CDC42BPB: variants seen among roughly 807,000 people sequenced by gnomAD.
The protein encoded by CDC42BPB is serine/threonine-protein kinase MRCK beta.
A neutral mutation model predicts 214.9 loss-of-function variants in CDC42BPB; 37 were observed. The ratio of observed to expected loss-of-function variants is 0.17; its 90% CI spans 0.13 to 0.23. The LOEUF is 0.23. Among genes scored for constraint, CDC42BPB ranks in the 10% least tolerant of loss-of-function variants. The pLI is 1.00. For missense variants in CDC42BPB, 1,694 were observed against 2,227.0 expected (o/e 0.76, Z 4.82); for synonymous variants, 931 against 884.0 (o/e 1.05, Z -0.94).
At chr14:103,017,862 T>C (rs1252107465) in intron 1 of CDC42BPB, among the ~76,000 whole-genome samples, 1 of 152,200 alleles carries the variant, frequency 6.6e-6, no homozygotes, top group Non-Finnish European at 1.5e-5. Context: ...GATACAGCAA[T>C]GTATCAATGC....
intron 1 of CDC42BPB, among the ~76,000 whole-genome samples, chr14:103,032,843 C>T (rs530666477): frequency 3.8e-4 from 57 of 150,042 alleles, no homozygotes; most frequent in African/African-American, 1.3e-3. Flanking sequence ...AGGCTGGTCT[C>T]GAACTCCTGA....
At chr14:102,938,253 A>G in intron 35 of CDC42BPB, 53 bp downstream of exon 35, 1 of 1,596,164 alleles carries the variant, frequency 6.3e-7, no homozygotes, top group East Asian at 2.2e-5. Flanking sequence ...CCATTCCAGC[A>G]CCCCCTACCC....
At chr14:102,951,586 C>T (rs991141489) in intron 24 of CDC42BPB, among the ~76,000 whole-genome samples, 1 of 151,960 alleles carries the variant, frequency 6.6e-6, no homozygotes, top group Non-Finnish European at 1.5e-5. Flanking sequence ...GTCAGGAGTT[C>T]GAGACCAGCC....
intron 28 of CDC42BPB, among the ~76,000 whole-genome samples, 163 bp downstream of exon 28, chr14:102,946,305 G>A (rs575669472): frequency 2.6e-5 from 4 of 152,274 alleles, no homozygotes; most frequent in South Asian, 2.1e-4. Flanking sequence ...TTACAGGCGT[G>A]AGCCACCGCA....
At position 102,933,994 on chromosome 14, in the gene CDC42BPB, G is replaced by A. The variant is rs953617230; in HGVS notation, c.5005-151C>T. 1.4e-5 allele frequency: 19 copies of A among 1,380,326 alleles called. No homozygotes were observed. In the East Asian group the frequency reaches 4.3e-4, roughly 31 times the overall value. The allele number at this position is 1,380,326 out of a possible 1,614,324, so 85.5% of individuals were successfully genotyped here. A position where few individuals can be genotyped will look rare whatever the true frequency, so the allele number is the denominator to read the frequency against. Reference sequence around the variant, plus strand: ...GAAAACACACACGCTCTACACCAGCGATTCGTGGGGCCCTTAGGCGTGCTG... The same window carrying A: ...GAAAACACACACGCTCTACACCAGCAATTCGTGGGGCCCTTAGGCGTGCTG... On this transcript the variant is annotated intron_variant, in intron 36 of 36. Coordinates refer to ENST00000361246, the MANE Select transcript of CDC42BPB (RefSeq NM_006035.4).
intron 7 of CDC42BPB, 137 bp from the exon 8 acceptor site, chr14:102,981,158 G>A (rs1288198199): frequency 1.4e-6 from 2 of 1,458,238 alleles, no homozygotes; most frequent in Non-Finnish European, 9.0e-7. Flanking sequence ...GCAATCCAAA[G>A]CTAATAAATT....
rs34438088 is a variant in CDC42BPB, at chr14:102,941,113, T to C, written c.4409-789A>G. 1,642 of 984,748 alleles carry C rather than the reference T, an allele frequency of 1.7e-3. 24 individuals carry two copies. The African/African-American group carries it at 0.027, about 16-fold the overall frequency. 61.0% of individuals were successfully genotyped at this position (984,748 alleles called of 1,614,324 possible). A position where few individuals can be genotyped will look rare whatever the true frequency, so the allele number is the denominator to read the frequency against. On this transcript the variant is annotated intron_variant, in intron 30 of 36. Transcript: ENST00000361246. Reference sequence around the variant, plus strand: ...CCACACGACAAGGGAGCGGTGTGCGTCTTCCGCTCAGTCCCTCTGTGTGGG... The same window carrying C: ...CCACACGACAAGGGAGCGGTGTGCGCCTTCCGCTCAGTCCCTCTGTGTGGG...
chr14:102,965,850 G>T (rs923400067), intron 18 of CDC42BPB, among the ~76,000 whole-genome samples: 9 of 152,212 alleles, frequency 5.9e-5, no homozygotes, highest in Admixed American at 5.2e-4. Flanking sequence ...CAGCTACTCG[G>T]GGGGGCTGAG....
rs1004613613 is a variant in CDC42BPB, at chr14:102,950,548, G to A, written c.3227C>T (p.Pro1076Leu). ...SCKDGAPQVC[P>L]IPPEQSKRPL... Reference sequence around the variant, plus strand: ...CCTCTTGGACTGCTCGGGAGGTATTGGGCACACCTGGGGGGCACCGTCTTT... The same window carrying A: ...CCTCTTGGACTGCTCGGGAGGTATTAGGCACACCTGGGGGGCACCGTCTTT... The change falls in exon 25 of 37, where the codon CCA (proline) becomes CTA (leucine). Residue 1076 changes from proline (P) to leucine (L), a missense_variant. Coordinates refer to ENST00000361246, the MANE Select transcript of CDC42BPB (RefSeq NM_006035.4). 1 of 1,611,374 alleles carries A rather than the reference G, an allele frequency of 6.2e-7. No homozygotes were observed. The highest frequency in any genetic ancestry group is 8.5e-7 in the Non-Finnish European group (1 of 1,178,988).
intron 8 of CDC42BPB, 25 bp downstream of exon 8, chr14:102,980,748 C>G: frequency 6.2e-7 from 1 of 1,612,304 alleles, no homozygotes; most frequent in South Asian, 1.1e-5. Flanking sequence ...GCCAGCAACC[C>G]TGAGAACGGT....
At position 102,992,195 on chromosome 14, in the gene CDC42BPB, G is replaced by C. The variant is rs553025741; in HGVS notation, c.597-5615C>G. On this transcript the variant is annotated intron_variant, in intron 5 of 36. Coordinates refer to ENST00000361246, the MANE Select transcript of CDC42BPB (RefSeq NM_006035.4). ...GGTGCTGCTGTGAGCGTGCAGTTTT[G>C]AACAATCCACTGAGTTGCACCCCTC... Among the ~76,000 whole-genome samples the C allele has an allele frequency of 3.9e-5, 6 of 152,266 alleles. No homozygotes were observed. The East Asian group carries it at 9.6e-4, about 24-fold the overall frequency.
At chr14:102,968,812 C>G (rs1893340291) in intron 14 of CDC42BPB, 96 bp from the exon 15 acceptor site, 3 of 1,551,046 alleles carry the variant, frequency 1.9e-6, no homozygotes, top group Non-Finnish European at 2.6e-6. Context: ...GTGCAGACAC[C>G]TTCCCAAGGA....
intron 3 of CDC42BPB, 55 bp downstream of exon 3, chr14:103,008,417 C>A: frequency 8.7e-7 from 1 of 1,154,890 alleles, no homozygotes. Context: ...GCTTCACAGT[C>A]ACTTTCTGCT....
intron 1 of CDC42BPB, among the ~76,000 whole-genome samples, chr14:103,013,960 T>C (rs1595146330): frequency 6.6e-6 from 1 of 151,928 alleles, no homozygotes; most frequent in Admixed American, 6.5e-5. Flanking sequence ...GGTCAGGAGA[T>C]CAAGACCATC....
In CDC42BPB at chr14:102,967,503, G is replaced by A. The variant is rs36043797; in HGVS notation, c.2347-333C>T. Among the ~76,000 whole-genome samples, 89 of 152,318 alleles carry A rather than the reference G, an allele frequency of 5.8e-4. 1 individual carries two copies. The East Asian group carries it at 0.011, about 19-fold the overall frequency. ...ACGTGTAGTGAAACAGCAAGAACAC[G>A]GTCTGAGAAACGTGTCCTTGCACAC... On this transcript the variant is annotated intron_variant, in intron 16 of 36. Coordinates refer to ENST00000361246, the MANE Select transcript of CDC42BPB (RefSeq NM_006035.4).
rs570481697 is a variant in CDC42BPB, at chr14:103,048,203, G to T, written c.175+8796C>A. Among the ~76,000 whole-genome samples, 9 of 152,220 alleles carry T rather than the reference G, an allele frequency of 5.9e-5. No homozygotes were observed. In the East Asian group the frequency reaches 1.2e-3, roughly 20 times the overall value. ...TGAGGTGTTTAATGGAGGAGTTCTAGTTAAAAGCCTGGCACTAAATTCATG... is the reference window on the plus strand; with the variant it reads ...TGAGGTGTTTAATGGAGGAGTTCTATTTAAAAGCCTGGCACTAAATTCATG... On this transcript the variant is annotated intron_variant, in intron 1 of 36. Coordinates refer to ENST00000361246, the MANE Select transcript of CDC42BPB (RefSeq NM_006035.4).
At chr14:102,972,688 C>CAAAAAAAAAAAAAAAAAAAAAA (rs56956413) in intron 12 of CDC42BPB, among the ~76,000 whole-genome samples, 1 of 44,936 alleles carries the variant, frequency 2.2e-5, no homozygotes, top group African/African-American at 9.5e-5. Flanking sequence ...GACTCTGCCT[C>CAAAAAAAAAAAAAAAAAAAAAA]AAAAAAAAAA....
chr14:102,982,916 AAG>A (rs370701613), intron 7 of CDC42BPB, among the ~76,000 whole-genome samples: 55 of 152,320 alleles, frequency 3.6e-4, no homozygotes, highest in African/African-American at 1.3e-3. Context: ...AATTTTTAAA[AAG>A]AAATAAAAAA....
chr14:102,992,415 T>C (rs746461588), intron 5 of CDC42BPB, among the ~76,000 whole-genome samples: 4 of 152,230 alleles, frequency 2.6e-5, no homozygotes, highest in Non-Finnish European at 5.9e-5. Flanking sequence ...GTACCTGCCA[T>C]GCATAAATTG....
Sources: gnomAD v4.1 joint callset for allele counts (sites outside exome capture counted in the v4.1 genomes callset) on GRCh38, gnomAD v4.1.1 for gene constraint, MANE v1.5 for transcripts, NCBI Gene and HGNC (gene_info 2026-07-23, HGNC 2026-07-21) for gene names.